Variants in ZNF140 observed in about 807,000 individuals in gnomAD.
ZNF140 encodes the protein zinc finger protein 140 (clone pHZ-39).
ZNF140 carries 13 observed loss-of-function variants against 12.9 expected under a neutral mutation model. The observed-to-expected ratio is 1.01, with a 90% CI of 0.66 to 1.60. The LOEUF (loss-of-function observed/expected upper bound fraction) is 1.60. Ranked by LOEUF, ZNF140 falls within the 40% of genes most tolerant of loss-of-function variation. The probability of loss-of-function intolerance (pLI) is 0.00; values close to 1 mark genes in which losing one functional copy is unlikely to be tolerated. For missense variants in ZNF140, 531 were observed against 548.8 expected (o/e 0.97, Z 0.32); for synonymous variants, 214 against 186.7 (o/e 1.15, Z -1.19).
intron 4 of ZNF140, chr12:133,093,272 G>A: frequency 1.7e-6 from 1 of 575,100 alleles, no homozygotes; most frequent in South Asian, 2.2e-5. Context: ...CTGAATTAAG[G>A]GTGGGAAAGG....
chr12:133,093,376 C>G, intron 4 of ZNF140: 1 of 691,516 alleles, frequency 1.4e-6, no homozygotes, highest in African/African-American at 1.8e-5. Context: ...CTGCAAGCAG[C>G]ATATTCTCTG....
In ZNF140 at chr12:133,105,955, C is replaced by G. The variant is rs1955575678; in HGVS notation, c.678C>G (p.Phe226Leu). Residue 226 changes from phenylalanine to leucine, a missense_variant, in exon 5 of 5, where the codon TTC (phenylalanine) becomes TTG (leucine). Phe to Leu is a conservative substitution (Grantham distance 22). Transcript: ENST00000355557. ...PHECKDCNKT[F>L]SYLSFLIEHQ... ...AGTGTAAGGACTGTAATAAAACATT[C>G]AGTTACCTTTCATTTCTTATTGAAC... 1.2e-6 allele frequency: 2 copies of G among 1,613,950 alleles called. No individual in the cohort carries two copies. The highest frequency in any genetic ancestry group is 1.7e-5 in the Admixed American group (1 of 60,006).
intron 4 of ZNF140, among the ~76,000 whole-genome samples, chr12:133,087,089 A>G (rs986102484): frequency 2.0e-5 from 3 of 152,170 alleles, no homozygotes; most frequent in Non-Finnish European, 4.4e-5. Flanking sequence ...AAACAGGGCT[A>G]CCATTTAAGA....
At chr12:133,092,557 G>C (rs1954929435) in intron 4 of ZNF140, among the ~76,000 whole-genome samples, 1 of 151,238 alleles carries the variant, frequency 6.6e-6, no homozygotes, top group Non-Finnish European at 1.5e-5. Context: ...TTTTAATGTG[G>C]TAGGAGACCA....
intron 4 of ZNF140, among the ~76,000 whole-genome samples, chr12:133,091,354 A>C (rs943428801): frequency 1.3e-4 from 20 of 151,286 alleles, no homozygotes; most frequent in Non-Finnish European, 2.9e-4. Context: ...GATCCCTTAA[A>C]CATTGATTTT....
rs1298792741 is a variant in ZNF140 at position 133,091,605 on chromosome 12, G to A, written c.232+8044G>A. Reference sequence around the variant, plus strand: ...TCATCATGACCCGTTCTCGCTGGTCGCTGTCTCTCCGGAGCTGTTGTATAC... The same window carrying A: ...TCATCATGACCCGTTCTCGCTGGTCACTGTCTCTCCGGAGCTGTTGTATAC... On this transcript the variant is annotated intron_variant, in intron 4 of 4. Coordinates refer to ENST00000355557, the MANE Select transcript of ZNF140 (RefSeq NM_003440.4). Among the ~76,000 whole-genome samples the A allele has an allele frequency of 5.3e-5, 8 of 150,232 alleles. No individual in the cohort carries two copies. In the East Asian group the frequency reaches 5.8e-4, roughly 11 times the overall value.
intron 4 of ZNF140, among the ~76,000 whole-genome samples, chr12:133,091,105 A>AC (rs1954863834): frequency 1.3e-5 from 2 of 148,966 alleles, no homozygotes; most frequent in South Asian, 2.1e-4. Context: ...CTCAGCACAG[A>AC]CCTTTTACAG....
At chr12:133,096,390 G>T (rs926578213) in intron 4 of ZNF140, among the ~76,000 whole-genome samples, 2 of 152,172 alleles carry the variant, frequency 1.3e-5, no homozygotes, top group Admixed American at 6.5e-5. Flanking sequence ...ATTGTTTAAA[G>T]TACAGGTCTT....
chr12:133,089,998 C>A, intron 4 of ZNF140, among the ~76,000 whole-genome samples: 1 of 151,968 alleles, frequency 6.6e-6, no homozygotes, highest in Admixed American at 6.6e-5. Flanking sequence ...TACAGGTGCA[C>A]GCCACCACGC....
Position 133,093,612 on chromosome 12 carries a change from T to G in ZNF140, c.232+10051T>G. The G allele has an allele frequency of 6.4e-6, 4 of 623,886 alleles. No individual in the cohort carries two copies. The South Asian group carries it at 7.2e-5, about 11-fold the overall frequency. 38.6% of individuals were successfully genotyped at this position (623,886 alleles called of 1,614,324 possible). A position where few individuals can be genotyped will look rare whatever the true frequency, so the allele number is the denominator to read the frequency against. On this transcript the variant is annotated intron_variant, in intron 4 of 4. Transcript: ENST00000355557. ...TTCCCATGTTTTATTTTTGTTGTCT[T>G]TCCACCAAATTAGTTTTCCCTCATG...
At chr12:133,081,232 A>G (rs1954466248) in intron 1 of ZNF140, 41 bp from the exon 2 acceptor site, 1 of 1,080,452 alleles carries the variant, frequency 9.3e-7, no homozygotes, top group Non-Finnish European at 1.4e-6. Flanking sequence ...GGCGCGGCCT[A>G]GCTGGCCTGT....
In ZNF140 at chr12:133,105,887, C is replaced by T. The variant is rs1566325045; in HGVS notation, c.610C>T (p.Leu204Phe). The change falls in exon 5 of 5, where the codon CTT (leucine) becomes TTT (phenylalanine). Residue 204 changes from leucine to phenylalanine, a missense_variant. Transcript: ENST00000355557. ...CAAAACCTTTAGCCAGATTTCAAACCTTGTGAAACACCAAATGATACATAC... is the reference window on the plus strand; with the variant it reads ...CAAAACCTTTAGCCAGATTTCAAACTTTGTGAAACACCAAATGATACATAC... ...CGKTFSQISN[L>F]VKHQMIHTGK... The T allele has an allele frequency of 3.1e-6, 5 of 1,614,128 alleles. No homozygotes were observed. In the Admixed American group the frequency reaches 5.0e-5, roughly 16 times the overall value.
chr12:133,096,187 C>G (rs2137544295), intron 4 of ZNF140, among the ~76,000 whole-genome samples: 1 of 152,020 alleles, frequency 6.6e-6, no homozygotes, highest in East Asian at 1.9e-4. Context: ...GCATGTGCCC[C>G]TGGTTTATTG....
At position 133,095,793 on chromosome 12, in the gene ZNF140, G is replaced by A. The variant is rs757534874; in HGVS notation, c.233-9717G>A. On this transcript the variant is annotated intron_variant, in intron 4 of 4. Transcript: ENST00000355557. The stretch of plus-strand genomic sequence containing the variant: ...GAAGGTACTATGCCTGGATGTGCAC[G>A]TAATCCAGATTTATGTTTCTCTCCA... Among the ~76,000 whole-genome samples, 402 of 151,676 alleles carry A rather than the reference G, an allele frequency of 2.7e-3. 1 individual carries two copies. The highest frequency in any genetic ancestry group is 0.01 in the Middle Eastern group (3 of 294).
intron 4 of ZNF140, among the ~76,000 whole-genome samples, chr12:133,090,225 A>G (rs1954810869): frequency 6.6e-6 from 1 of 152,020 alleles, no homozygotes; most frequent in South Asian, 2.1e-4. Flanking sequence ...CTGCAACGTA[A>G]ATTTCCTGGG....
At chr12:133,100,851 TA>T (rs1374940621) in intron 4 of ZNF140, 1 of 285,376 alleles carries the variant, frequency 3.5e-6, no homozygotes, top group Non-Finnish European at 7.1e-6. Context: ...GCAGCATAGA[TA>T]TGCCAGGACA....
chr12:133,105,789 G>C lies in ZNF140; in HGVS notation c.512G>C (p.Gly171Ala). ...YGCHECGKTFGRRFSLVLHQR... is the reference protein window; with the variant it reads ...YGCHECGKTFARRFSLVLHQR... The stretch of plus-strand genomic sequence containing the variant: ...TGCCATGAATGTGGAAAAACTTTTG[G>C]TCGACGCTTTTCCCTGGTGTTACAC... Residue 171 changes from glycine to alanine, a missense_variant, in exon 5 of 5, where the codon GGT (glycine) becomes GCT (alanine). Coordinates refer to ENST00000355557, the MANE Select transcript of ZNF140 (RefSeq NM_003440.4). The C allele has an allele frequency of 6.2e-7, 1 of 1,614,126 alleles. No homozygotes were observed. Among genetic ancestry groups the C allele is most frequent in the Non-Finnish European group, 8.5e-7 (1 of 1,180,026 alleles).
Position 133,106,023 on chromosome 12 carries a change from A to G in ZNF140, c.746A>G (p.Glu249Gly), listed in dbSNP as rs765990021. 6.2e-7 allele frequency: 1 copy of G among 1,614,198 alleles called. No individual in the cohort carries two copies. Among genetic ancestry groups the G allele is most frequent in the Non-Finnish European group, 8.5e-7 (1 of 1,180,034 alleles). ...GGGGAGAAACCTTATGAATGTACTG[A>G]GTGTGGAAAGGCCTTTAGCCGTGCC... is the stretch of plus-strand genomic sequence containing the variant. The part of the protein sequence containing the change: ...HTGEKPYECT[E>G]CGKAFSRASN... The change falls in exon 5 of 5, where the codon GAG becomes GGG. Residue 249 changes from glutamate (E) to glycine (G), a missense_variant. Transcript: ENST00000355557.
chr12:133,088,022 C>T (rs1593751733), intron 4 of ZNF140, among the ~76,000 whole-genome samples: 1 of 150,796 alleles, frequency 6.6e-6, no homozygotes, highest in Admixed American at 6.6e-5. Flanking sequence ...CCCAGCTACT[C>T]GGGAGGCTGA....
Sources: allele counts gnomAD v4.1 joint callset (sites outside exome capture counted in the v4.1 genomes callset), GRCh38; gene constraint gnomAD v4.1.1; transcripts MANE v1.5; gene names NCBI Gene and HGNC (gene_info 2026-07-23, HGNC 2026-07-21).